The following DOK2 variants were observed in gnomAD, a reference collection of about 807,000 sequenced individuals.
DOK2 encodes docking protein 2, 56kD.
Under a neutral mutation model 26.0 loss-of-function variants are expected in DOK2, and 28 were observed. The observed-to-expected ratio is 1.08, with a 90% CI of 0.80 to 1.48. DOK2 has a LOEUF of 1.48. DOK2 is among the 40% of genes most tolerant of loss of function. The pLI, the probability that DOK2 is intolerant of heterozygous loss-of-function variation, is 0.00. For missense variants in DOK2, 682 were observed against 558.2 expected, an observed-to-expected ratio of 1.22 and a Z score of -2.23; for synonymous variants, 282 against 236.9, an observed-to-expected ratio of 1.19 and a Z score of -1.75.
In DOK2 at chr8:21,909,903, C is replaced by T. The variant is rs200168233; in HGVS notation, c.647G>A (p.Arg216His). Residue 216 changes from arginine (R) to histidine (H), a missense_variant, in exon 5 of 5, where the codon CGC (arginine) becomes CAC (histidine). Coordinates refer to ENST00000276420, the MANE Select transcript of DOK2 (RefSeq NM_003974.4). ...KVTFSFEAGR[R>H]CVSGEGNFEF... ...AAAGTTGCCCTCTCCAGAGACGCAG[C>T]GACGGCCTGCCTCAAAGGAAAAGGT... The T allele has an allele frequency of 2.0e-4, 325 of 1,611,488 alleles. No homozygotes were observed. The highest frequency in any genetic ancestry group is 3.3e-4 in the East Asian group (15 of 44,856).
In DOK2 at chr8:21,909,628, G is replaced by T. The variant is rs750799363; in HGVS notation, c.922C>A (p.Arg308Ser). The T allele has an allele frequency of 1.2e-6, 2 of 1,613,534 alleles. No homozygotes were observed. The highest frequency in any genetic ancestry group is 1.1e-5 in the South Asian group (1 of 91,084). ...CCCCTGAAGTTCTTCCCCAAGGAAC[G>T]GGCCACCGCATCGAAGGGCACGGCA... ...EYAVPFDAVA[R>S]SLGKNFRGIL... Residue 308 changes from arginine to serine, a missense_variant, in exon 5 of 5, where the codon CGT (arginine) becomes AGT (serine). Coordinates refer to ENST00000276420, the MANE Select transcript of DOK2 (RefSeq NM_003974.4).
At position 21,909,922 on chromosome 8, in the gene DOK2, A is replaced by T; in HGVS notation, c.628T>A (p.Ser210Thr). 6.2e-7 allele frequency: 1 copy of T among 1,608,698 alleles called. No individual in the cohort carries two copies. Among genetic ancestry groups the T allele is most frequent in the East Asian group, 2.2e-5 (1 of 44,822 alleles). The part of the protein sequence containing the change: ...RRFGRDKVTF[S>T]FEAGRRCVSG... ...ACGCAGCGACGGCCTGCCTCAAAGGAAAAGGTTACCTGGACCAGGGAGAAA... is the reference window on the plus strand; with the variant it reads ...ACGCAGCGACGGCCTGCCTCAAAGGTAAAGGTTACCTGGACCAGGGAGAAA... Residue 210 changes from serine to threonine, a missense_variant, in exon 5 of 5, where the codon TCC becomes ACC. Transcript: ENST00000276420.
In DOK2 at chr8:21,909,917, A is replaced by G; in HGVS notation, c.633T>C (p.Phe211=). ...RFGRDKVTFS[F]EAGRRCVSGE... is the part of the protein sequence containing the mutation. ...CAGAGACGCAGCGACGGCCTGCCTCAAAGGAAAAGGTTACCTGGACCAGGG... is the reference window on the plus strand; with the variant it reads ...CAGAGACGCAGCGACGGCCTGCCTCGAAGGAAAAGGTTACCTGGACCAGGG... Residue 211 remains phenylalanine, a synonymous_variant, in exon 5 of 5, where the codon TTT becomes TTC. Coordinates refer to ENST00000276420, the MANE Select transcript of DOK2 (RefSeq NM_003974.4). The G allele has an allele frequency of 6.2e-7, 1 of 1,609,824 alleles. No individual in the cohort carries two copies.
chr8:21,909,760 G>A lies in DOK2; in HGVS notation c.790C>T (p.Leu264=). ...GAGTAGGGGCTATCAGGCCGGGGCA[G>A]CGACGCGGGGATTGTGGCTGGCTGC... The part of the protein sequence containing the change: ...QPQPATIPAS[L]PRPDSPYSRP... Residue 264 remains leucine (L), a synonymous_variant, in exon 5 of 5, where the codon CTG becomes TTG. Transcript: ENST00000276420. 2 of 1,613,946 alleles carry A rather than the reference G, an allele frequency of 1.2e-6. No homozygotes were observed. The highest frequency in any genetic ancestry group is 1.1e-5 in the South Asian group (1 of 91,082).
chr8:21,913,250 C>T (rs918762577), intron 1 of DOK2, among the ~76,000 whole-genome samples: 2 of 152,168 alleles, frequency 1.3e-5, no homozygotes, highest in African/African-American at 4.8e-5. Context: ...AAGAAGTCAA[C>T]ATAGAGCAAG....
intron 1 of DOK2, 64 bp from the exon 2 acceptor site, chr8:21,912,574 CCAAGGGGA>C: frequency 7.0e-7 from 1 of 1,438,320 alleles, no homozygotes; most frequent in Non-Finnish European, 9.1e-7. Flanking sequence ...AGATCGTGAG[CCAAGGGGA>C]GAAGAGGAAC....
Position 21,909,337 on chromosome 8 carries a change from C to T in DOK2, c.1213G>A (p.Val405Ile). ...CACTTTGGGCCTTTCTTTAGTACAA[C>T]ATTGTCATACTCAGTTCCTGGCTGC... is the stretch of plus-strand genomic sequence containing the variant. ...GWQPGTEYDN[V>I]VLKKGPK Residue 405 changes from valine (V) to isoleucine (I), a missense_variant, in exon 5 of 5, where the codon GTT (valine) becomes ATT (isoleucine). By Grantham distance (29) the Val-to-Ile change is conservative. Coordinates refer to ENST00000276420, the MANE Select transcript of DOK2 (RefSeq NM_003974.4). 1 of 1,548,878 alleles carries T rather than the reference C, an allele frequency of 6.5e-7. No homozygotes were observed. The highest frequency in any genetic ancestry group is 1.7e-4 in the Middle Eastern group (1 of 5,734).
intron 3 of DOK2, among the ~76,000 whole-genome samples, chr8:21,911,698 G>C (rs1036424020): frequency 6.6e-6 from 1 of 152,180 alleles, no homozygotes; most frequent in Non-Finnish European, 1.5e-5. Context: ...TGAACCAAGG[G>C]AGAGACTCAA....
chr8:21,909,556 T>C lies in DOK2; in HGVS notation c.994A>G (p.Ser332Gly). Residue 332 changes from serine (S) to glycine (G), a missense_variant, in exon 5 of 5, where the codon AGC (serine) becomes GGC (glycine). Physicochemically the swap from Ser to Gly is moderately conservative, Grantham distance 56 (BLOSUM62 0). Transcript: ENST00000276420. ...PQLLADPLYD[S>G]IEETLPPRPD... ...CGAGGGGGCAGGGTCTCCTCAATGC[T>C]GTCGTACAGAGGGTCGGCCAGGAGC... 1.2e-6 allele frequency: 2 copies of C among 1,614,068 alleles called. No homozygotes were observed. Among genetic ancestry groups the C allele is most frequent in the Non-Finnish European group, 1.7e-6 (2 of 1,179,970 alleles).
At chr8:21,911,573 A>G (rs946452654) in intron 3 of DOK2, among the ~76,000 whole-genome samples, 1 of 152,074 alleles carries the variant, frequency 6.6e-6, no homozygotes, top group African/African-American at 2.4e-5. Flanking sequence ...GTGCCATTGC[A>G]CTCCAGCCTG....
rs779104485 is a variant in DOK2 at position 21,912,374 on chromosome 8, C to A, written c.200G>T (p.Arg67Leu). 21 of 1,604,806 alleles carry A rather than the reference C, an allele frequency of 1.3e-5. No individual in the cohort carries two copies. In the Admixed American group the frequency reaches 2.7e-4, roughly 21 times the overall value. ...RKVIRLSDCL[R>L]VAEAGGEASS... Reference sequence around the variant, plus strand: ...GGCCTCTCCGCCGGCCTCGGCCACCCGCAGGCAGTCACTGAGGCGGATGAC... The same window carrying A: ...GGCCTCTCCGCCGGCCTCGGCCACCAGCAGGCAGTCACTGAGGCGGATGAC... The change falls in exon 2 of 5, where the codon CGG (arginine) becomes CTG (leucine). Residue 67 changes from arginine (R) to leucine (L), a missense_variant. Physicochemically the swap from Arg to Leu is moderately radical, Grantham distance 102. Coordinates refer to ENST00000276420, the MANE Select transcript of DOK2 (RefSeq NM_003974.4).
chr8:21,910,893 A>G, intron 3 of DOK2, 36 bp from the exon 4 acceptor site: 1 of 1,562,972 alleles, frequency 6.4e-7, no homozygotes, highest in Non-Finnish European at 8.7e-7. Flanking sequence ...GAAGGCAGTT[A>G]ATGGGAAACA....
Position 21,909,607 on chromosome 8 carries a change from T to C in DOK2, c.943A>G (p.Arg315Gly), listed in dbSNP as rs1809745206. 6.2e-7 allele frequency: 1 copy of C among 1,613,760 alleles called. No individual in the cohort carries two copies. The highest frequency in any genetic ancestry group is 1.1e-5 in the South Asian group (1 of 91,088). The change falls in exon 5 of 5, where the codon AGG becomes GGG. Residue 315 changes from arginine to glycine, a missense_variant. By Grantham distance (125) the Arg-to-Gly change is moderately radical. Coordinates refer to ENST00000276420, the MANE Select transcript of DOK2 (RefSeq NM_003974.4). ...TGAGGAGGGACTGCCAAGATGCCCC[T>C]GAAGTTCTTCCCCAAGGAACGGGCC... ...AVARSLGKNF[R>G]GILAVPPQLL...
chr8:21,910,853 G>T lies in DOK2; in HGVS notation c.438C>A (p.Gly146=). Reference sequence around the variant, plus strand: ...TGGTCACAGCAAATTCCTTGTGGGGGCCGACTGGGGAGAAGAAGAGAGAGA... The same window carrying T: ...TGGTCACAGCAAATTCCTTGTGGGGTCCGACTGGGGAGAAGAAGAGAGAGA... ...NELYSSAVTV[G]PHKEFAVTMR... is the part of the protein sequence containing the mutation. The change falls in exon 4 of 5, where the codon GGC becomes GGA. Residue 146 remains glycine, a synonymous_variant. Coordinates refer to ENST00000276420, the MANE Select transcript of DOK2 (RefSeq NM_003974.4). The T allele has an allele frequency of 6.2e-7, 1 of 1,601,828 alleles. No individual in the cohort carries two copies. Among genetic ancestry groups the T allele is most frequent in the Non-Finnish European group, 8.5e-7 (1 of 1,173,530 alleles).
Position 21,912,315 on chromosome 8 carries a change from C to T in DOK2, c.259G>A (p.Glu87Lys). 4 of 1,605,566 alleles carry T rather than the reference C, an allele frequency of 2.5e-6. No individual in the cohort carries two copies. The highest frequency in any genetic ancestry group is 3.4e-6 in the Non-Finnish European group (4 of 1,177,610). ...SPRDTSAFFLETKERLYLLAA... is the reference protein window; with the variant it reads ...SPRDTSAFFLKTKERLYLLAA... ...AGGAGGTACAGGCGCTCCTTGGTCTCCAGGAAGAAGGCACTGGTGTCCCGG... is the reference window on the plus strand; with the variant it reads ...AGGAGGTACAGGCGCTCCTTGGTCTTCAGGAAGAAGGCACTGGTGTCCCGG... The change falls in exon 2 of 5, where the codon GAG becomes AAG. Residue 87 changes from glutamate (E) to lysine (K), a missense_variant. Physicochemically the swap from Glu to Lys is moderately conservative, Grantham distance 56. Coordinates refer to ENST00000276420, the MANE Select transcript of DOK2 (RefSeq NM_003974.4).
chr8:21,911,878 C>G (rs1809859642), intron 3 of DOK2, 23 bp downstream of exon 3: 2 of 1,549,430 alleles, frequency 1.3e-6, no homozygotes, highest in African/African-American at 1.4e-5. Context: ...CAGGGGAGAG[C>G]AGGGCAGCCC....
At position 21,911,890 on chromosome 8, in the gene DOK2, C is replaced by T. The variant is rs1296876895; in HGVS notation, c.433+11G>A. 6.4e-7 allele frequency: 1 copy of T among 1,554,458 alleles called. No homozygotes were observed. The highest frequency in any genetic ancestry group is 1.2e-5 in the South Asian group (1 of 84,514). ...CCCCAGGGGAGAGCAGGGCAGCCCCCGCCCCCTCACCTGTGACTGCGCTGC... is the reference window on the plus strand; with the variant it reads ...CCCCAGGGGAGAGCAGGGCAGCCCCTGCCCCCTCACCTGTGACTGCGCTGC... On this transcript the variant is annotated intron_variant, in intron 3 of 4. Coordinates refer to ENST00000276420, the MANE Select transcript of DOK2 (RefSeq NM_003974.4).
At chr8:21,913,426 TG>T in intron 1 of DOK2, 112 bp downstream of exon 1, 2 of 1,274,138 alleles carry the variant, frequency 1.6e-6, no homozygotes, top group Non-Finnish European at 2.2e-6. Context: ...TCTAACTTGG[TG>T]GGTGCACAGT....
rs534191632 is a variant in DOK2 at position 21,910,881 on chromosome 8, G to T, written c.434-24C>A. The T allele has an allele frequency of 3.6e-5, 56 of 1,560,232 alleles. No individual in the cohort carries two copies. In the East Asian group the frequency reaches 1.3e-3, roughly 36 times the overall value. ...GACTGGGGAGAAGAAGAGAGAGAAG[G>T]CGAAGGCAGTTAATGGGAAACAGCT... On this transcript the variant is annotated intron_variant, in intron 3 of 4. Coordinates refer to ENST00000276420, the MANE Select transcript of DOK2 (RefSeq NM_003974.4).
Sources: allele counts gnomAD v4.1 joint callset (sites outside exome capture counted in the v4.1 genomes callset), GRCh38; gene constraint gnomAD v4.1.1; transcripts MANE v1.5; gene names NCBI Gene and HGNC (gene_info 2026-07-23, HGNC 2026-07-21).